The following COL11A1 variants were observed in gnomAD, a reference collection of about 807,000 sequenced individuals.
COL11A1 encodes collagen type XI alpha 1 chain.
A neutral mutation model predicts 265.2 loss-of-function variants in COL11A1; 74 were observed. That is an observed-to-expected ratio of 0.28 (90% CI 0.23 to 0.34). COL11A1 has a LOEUF of 0.34. Among genes scored for constraint, COL11A1 ranks in the 10% least tolerant of loss-of-function variants. The probability of loss-of-function intolerance (pLI) is 1.00; values close to 1 mark genes in which losing one functional copy is unlikely to be tolerated. For missense variants in COL11A1, 2,165 were observed against 2,263.6 expected, an observed-to-expected ratio of 0.96 and a Z score of 0.88; for synonymous variants, 816 against 727.6, an observed-to-expected ratio of 1.12 and a Z score of -1.96.
chr1:102,923,199 A>T, intron 47 of COL11A1, 137 bp downstream of exon 47: 2 of 700,166 alleles, frequency 2.9e-6, no homozygotes, highest in Non-Finnish European at 2.4e-6. Context: ...AGACTAATAT[A>T]TAACTAAATC....
At chr1:103,020,871 G>A (rs367624289) in intron 9 of COL11A1, among the ~76,000 whole-genome samples, 1 of 135,372 alleles carries the variant, frequency 7.4e-6, no homozygotes, top group African/African-American at 2.7e-5. Context: ...GCTTGTTTTT[G>A]TCAGGTTTGT....
intron 54 of COL11A1, among the ~76,000 whole-genome samples, chr1:102,908,056 A>C (rs1023219442): frequency 6.6e-6 from 1 of 152,104 alleles, no homozygotes; most frequent in Non-Finnish European, 1.5e-5. Flanking sequence ...TTTTGAAAAC[A>C]TTCTTCCCAA....
At chr1:102,886,104 T>C (rs1388818548) in intron 63 of COL11A1, among the ~76,000 whole-genome samples, 2 of 152,130 alleles carry the variant, frequency 1.3e-5, no homozygotes, top group East Asian at 3.8e-4. Context: ...AGTGGGAAAT[T>C]TAAAAATCAG....
At chr1:103,073,911 A>G (rs1671772412) in intron 4 of COL11A1, among the ~76,000 whole-genome samples, 1 of 152,036 alleles carries the variant, frequency 6.6e-6, no homozygotes, top group Non-Finnish European at 1.5e-5. Flanking sequence ...ACTTTGTTAC[A>G]CCTTGACAAA....
At chr1:103,006,237 A>G in intron 16 of COL11A1, 25 bp downstream of exon 16, 1 of 1,589,546 alleles carries the variant, frequency 6.3e-7, no homozygotes, top group Non-Finnish European at 8.6e-7. Context: ...ATGCCTTCAA[A>G]ATGCACAATG....
intron 28 of COL11A1, among the ~76,000 whole-genome samples, chr1:102,993,895 T>G (rs1297809839): frequency 6.6e-6 from 1 of 152,154 alleles, no homozygotes; most frequent in Non-Finnish European, 1.5e-5. Flanking sequence ...ATCTATGGTT[T>G]ATTGAATCCA....
At chr1:103,089,957 C>T (rs1673181556) in intron 1 of COL11A1, among the ~76,000 whole-genome samples, 1 of 151,986 alleles carries the variant, frequency 6.6e-6, no homozygotes, top group Admixed American at 6.6e-5. Context: ...AACCCTGTCT[C>T]TACTAAAAAT....
intron 18 of COL11A1, 71 bp from the exon 19 acceptor site, chr1:103,004,732 A>G: frequency 1.5e-6 from 2 of 1,328,848 alleles, no homozygotes; most frequent in Non-Finnish European, 2.1e-6. Flanking sequence ...TCAGGTAGCT[A>G]TCCAAACCAA....
At chr1:103,005,804 A>G in intron 18 of COL11A1, 34 bp downstream of exon 18, 3 of 1,611,554 alleles carry the variant, frequency 1.9e-6, no homozygotes, top group African/African-American at 1.3e-5. Flanking sequence ...ATTTTATAAC[A>G]TTCCCTGGAA....
chr1:102,948,558 A>G (rs1659549348), intron 41 of COL11A1, among the ~76,000 whole-genome samples: 1 of 151,500 alleles, frequency 6.6e-6, no homozygotes. Flanking sequence ...GGCATTTTTG[A>G]GCTGTGAGTA....
intron 38 of COL11A1, among the ~76,000 whole-genome samples, 174 bp from the exon 39 acceptor site, chr1:102,962,934 C>G (rs1348237398): frequency 6.6e-6 from 1 of 152,050 alleles, no homozygotes. Flanking sequence ...AAGTAAGAGT[C>G]TAAAAAGATT....
intron 4 of COL11A1, among the ~76,000 whole-genome samples, chr1:103,047,699 C>T (rs1471400144): frequency 6.6e-6 from 1 of 151,926 alleles, no homozygotes; most frequent in African/African-American, 2.4e-5. Flanking sequence ...AAAGAGAATG[C>T]TTCCAGTTTT....
chr1:102,978,602 G>T, intron 35 of COL11A1, 106 bp downstream of exon 35: 1 of 1,187,774 alleles, frequency 8.4e-7, no homozygotes, highest in African/African-American at 1.5e-5. Flanking sequence ...AGATTTTGTG[G>T]ATAGACATGC....
chr1:103,095,734 A>G (rs1168882141), intron 1 of COL11A1, among the ~76,000 whole-genome samples: 2 of 151,992 alleles, frequency 1.3e-5, no homozygotes, highest in South Asian at 4.1e-4. Flanking sequence ...AAATTTGTGT[A>G]ACAGAAAATA....
intron 9 of COL11A1, among the ~76,000 whole-genome samples, chr1:103,019,993 G>A (rs867684411): frequency 0.065 from 9,065 of 139,018 alleles, 319 homozygotes; most frequent in Middle Eastern, 0.12. Context: ...TATCCTTGTT[G>A]GACATTTGGG....
chr1:102,982,326 A>T (rs551400379), intron 31 of COL11A1, among the ~76,000 whole-genome samples: 1 of 152,160 alleles, frequency 6.6e-6, no homozygotes, highest in Non-Finnish European at 1.5e-5. Context: ...TCATAAAATA[A>T]AATTCTACTC....
chr1:102,910,292 A>G lies in COL11A1; in HGVS notation c.4086+1867T>C, dbSNP rs571423483. On this transcript the variant is annotated intron_variant, in intron 54 of 66. Coordinates refer to ENST00000370096, the MANE Select transcript of COL11A1 (RefSeq NM_001854.4). ...CCACTGAATGGCTAAAGAAACAAAT[A>G]CATTCTATAACTCTGTTACCATGTT... 5.9e-5 allele frequency among the ~76,000 whole-genome samples: 9 copies of G among 152,244 alleles called. No homozygotes were observed. In the East Asian group the frequency reaches 1.7e-3, roughly 29 times the overall value.
chr1:102,914,707 G>T lies in COL11A1; in HGVS notation c.3921C>A (p.Asn1307Lys). 6.2e-7 allele frequency: 1 copy of T among 1,611,920 alleles called. No homozygotes were observed. Among genetic ancestry groups the T allele is most frequent in the Non-Finnish European group, 8.5e-7 (1 of 1,178,850 alleles). The change falls in exon 51 of 67, where the codon AAC (asparagine) becomes AAA (lysine). Residue 1307 changes from asparagine (N) to lysine (K), a missense_variant. Physicochemically the swap from Asn to Lys is moderately conservative, Grantham distance 94 (BLOSUM62 0). Coordinates refer to ENST00000370096, the MANE Select transcript of COL11A1 (RefSeq NM_001854.4). ...GPPGDDGPKG[N>K]PGPVGFPGDP... Reference sequence around the variant, plus strand: ...AGAGGGGACCAAACTCACTTACCGGGTTACCCTTAGGGCCATCATCACCTG... The same window carrying T: ...AGAGGGGACCAAACTCACTTACCGGTTTACCCTTAGGGCCATCATCACCTG...
rs1479618358 is a variant in COL11A1 at position 103,014,531 on chromosome 1, C to A, written c.1552G>T (p.Ala518Ser). 6.2e-7 allele frequency: 1 copy of A among 1,613,728 alleles called. No homozygotes were observed. The highest frequency in any genetic ancestry group is 8.5e-7 in the Non-Finnish European group (1 of 1,179,742). Residue 518 changes from alanine (A) to serine (S), a missense_variant, in exon 13 of 67, where the codon GCT (alanine) becomes TCT (serine). By Grantham distance (99) the Ala-to-Ser change is moderately conservative. Transcript: ENST00000370096. ...TISAQEAQAQ[A>S]ILQQARIALR... ...CTTACCCGAGCCTGCTGAAGAATAG[C>A]TTGAGCCTGAGCTTCCTGAGCAGAG... is the stretch of plus-strand genomic sequence containing the variant.
Sources: gnomAD v4.1 joint callset for allele counts (sites outside exome capture counted in the v4.1 genomes callset) on GRCh38, gnomAD v4.1.1 for gene constraint, MANE v1.5 for transcripts, NCBI Gene and HGNC (gene_info 2026-07-23, HGNC 2026-07-21) for gene names.